Variants in PCDH9 observed in about 807,000 individuals in gnomAD.
PCDH9 encodes the protein protocadherin-9.
Under a neutral mutation model 70.6 loss-of-function variants are expected in PCDH9, and 24 were observed. The observed-to-expected ratio is 0.34, with a 90% CI of 0.25 to 0.48. PCDH9 has a LOEUF of 0.48. Ranked by LOEUF, PCDH9 falls within the 20% of genes least tolerant of loss-of-function variation. The probability of loss-of-function intolerance (pLI) is 0.99; values close to 1 mark genes in which losing one functional copy is unlikely to be tolerated. For missense variants in PCDH9, 1,281 were observed against 1,503.6 expected (o/e 0.85, Z 2.45); for synonymous variants, 562 against 558.5 (o/e 1.01, Z -0.09).
intron 2 of PCDH9, among the ~76,000 whole-genome samples, chr13:66,994,638 C>G (rs2084072906): frequency 1.3e-5 from 2 of 152,170 alleles, no homozygotes; most frequent in Non-Finnish European, 2.9e-5. Flanking sequence ...CTGAGCCTGT[C>G]CAGAGGCTAG....
intron 4 of PCDH9, among the ~76,000 whole-genome samples, chr13:66,432,071 C>T (rs1244181554): frequency 1.3e-5 from 2 of 151,962 alleles, no homozygotes; most frequent in Non-Finnish European, 2.9e-5. Context: ...TTCTTCTGTG[C>T]AGTTTCCTTT....
intron 3 of PCDH9, among the ~76,000 whole-genome samples, chr13:66,647,777 C>T (rs2077792145): frequency 6.6e-6 from 1 of 152,036 alleles, no homozygotes; most frequent in South Asian, 2.1e-4. Context: ...CAGGCATTGG[C>T]TGTTAGACAG....
intron 4 of PCDH9, among the ~76,000 whole-genome samples, chr13:66,537,849 T>G (rs1479480381): frequency 6.6e-6 from 1 of 152,160 alleles, no homozygotes; most frequent in East Asian, 1.9e-4. Flanking sequence ...TTTTGTTAAA[T>G]GTTCATCTTA....
In PCDH9 at chr13:67,225,879, G is replaced by A. The variant is rs145370598; in HGVS notation, c.2562C>T (p.Ala854=). Residue 854 remains alanine (A), a synonymous_variant, in exon 2 of 5, where the codon GCC becomes GCT. Transcript: ENST00000377865. ...TCTCCTGGTTTGGGGACATCCATTC[G>A]GCACCTTGCTTGCTCCTCTGAGCTG... ...FKAAQRSKQG[A]EWMSPNQENK... 3.7e-5 allele frequency: 59 copies of A among 1,613,608 alleles called. No homozygotes were observed. The highest frequency in any genetic ancestry group is 1.6e-4 in the Middle Eastern group (1 of 6,084).
In PCDH9 at chr13:67,228,026, C is replaced by A. The variant is rs774995119; in HGVS notation, c.415G>T (p.Ala139Ser). Residue 139 changes from alanine to serine, a missense_variant, in exon 2 of 5, where the codon GCC becomes TCC. This residue lies in a region of PCDH9 where 798 missense variants were observed against 1,003.1 expected (regional missense o/e 0.80). Coordinates refer to ENST00000377865, the MANE Select transcript of PCDH9 (RefSeq NM_203487.3). ...KIIVKDTNDN[A>S]PMFPSPVINI... is the part of the protein sequence containing the mutation. Reference sequence around the variant, plus strand: ...ATGACAGGAGATGGAAACATGGGGGCATTATCATTGGTATCCTTGACAATT... The same window carrying A: ...ATGACAGGAGATGGAAACATGGGGGAATTATCATTGGTATCCTTGACAATT... The A allele has an allele frequency of 5.0e-6, 8 of 1,613,840 alleles. No individual in the cohort carries two copies. The South Asian group carries it at 6.6e-5, about 13-fold the overall frequency.
At chr13:67,084,170 T>C (rs955445827) in intron 2 of PCDH9, among the ~76,000 whole-genome samples, 10 of 152,174 alleles carry the variant, frequency 6.6e-5, no homozygotes, top group African/African-American at 9.6e-5. Flanking sequence ...AGTTCCTTTA[T>C]AGAAACTAAA....
At chr13:67,084,911 G>A (rs1362895971) in intron 2 of PCDH9, among the ~76,000 whole-genome samples, 1 of 128,422 alleles carries the variant, frequency 7.8e-6, no homozygotes, top group Non-Finnish European at 1.6e-5. Flanking sequence ...AGGTTGCAGT[G>A]AGCCGAGATC....
chr13:67,211,106 T>C (rs2089459295), intron 2 of PCDH9: 1 of 152,000 alleles, frequency 6.6e-6, no homozygotes, highest in Admixed American at 6.6e-5. Context: ...TAAGAAGTGA[T>C]TTACATATAG....
At chr13:66,412,579 T>C (rs540768492) in intron 4 of PCDH9, among the ~76,000 whole-genome samples, 1 of 152,338 alleles carries the variant, frequency 6.6e-6, no homozygotes, top group South Asian at 2.1e-4. Context: ...GATTATTTAA[T>C]TTCAAACACT....
At chr13:66,808,516 CA>C (rs1386666219) in intron 3 of PCDH9, among the ~76,000 whole-genome samples, 2 of 130,040 alleles carry the variant, frequency 1.5e-5, no homozygotes, top group Non-Finnish European at 3.6e-5. Context: ...TAAAACAAAA[CA>C]AAACAAAAAA....
intron 4 of PCDH9, among the ~76,000 whole-genome samples, chr13:66,549,683 G>A (rs980779714): frequency 4.0e-5 from 6 of 151,734 alleles, no homozygotes; most frequent in Admixed American, 1.3e-4. Flanking sequence ...GTATATCTTC[G>A]GAGCACCTAT....
chr13:66,734,531 G>C (rs768653456), intron 3 of PCDH9, among the ~76,000 whole-genome samples: 1 of 152,076 alleles, frequency 6.6e-6, no homozygotes, highest in Admixed American at 6.6e-5. Flanking sequence ...CTTTCTTAAC[G>C]ACTGTGTCCT....
intron 3 of PCDH9, among the ~76,000 whole-genome samples, chr13:66,846,476 C>A (rs944377921): frequency 6.6e-6 from 1 of 152,014 alleles, no homozygotes; most frequent in Non-Finnish European, 1.5e-5. Flanking sequence ...ACAATTAAAT[C>A]ACCTAAAATA....
At chr13:67,209,977 T>C (rs2089436055) in intron 2 of PCDH9, 1 of 152,110 alleles carries the variant, frequency 6.6e-6, no homozygotes, top group Non-Finnish European at 1.5e-5. Context: ...CTAACACTTG[T>C]CCTGATAACT....
intron 4 of PCDH9, among the ~76,000 whole-genome samples, chr13:66,437,307 T>C (rs112829507): frequency 0.11 from 15,384 of 144,598 alleles, 1,027 homozygotes; most frequent in African/African-American, 0.19. Flanking sequence ...CTCAGGAGGC[T>C]GAGGCAGGAG....
chr13:66,690,542 G>A (rs1043753203), intron 3 of PCDH9, among the ~76,000 whole-genome samples: 1 of 151,994 alleles, frequency 6.6e-6, no homozygotes, highest in Non-Finnish European at 1.5e-5. Flanking sequence ...ACAAGGTTTA[G>A]TACAGAATAA....
chr13:66,611,986 TCTTA>T lies in PCDH9; in HGVS notation c.3340+19220_3340+19223del, dbSNP rs894845108. 4.6e-5 allele frequency among the ~76,000 whole-genome samples: 7 copies of T among 152,352 alleles called. No homozygotes were observed. The South Asian group carries it at 6.2e-4, about 14-fold the overall frequency. ...CCACTACATACACTTTTCTTCAGTC[TCTTA>T]CTTAAGATGTGTTAAAAGTGTATTT... On this transcript the variant is annotated intron_variant, in intron 4 of 4. Coordinates refer to ENST00000377865, the MANE Select transcript of PCDH9 (RefSeq NM_203487.3).
chr13:66,611,662 C>T (rs138929436), intron 4 of PCDH9, among the ~76,000 whole-genome samples: 11 of 152,246 alleles, frequency 7.2e-5, no homozygotes, highest in African/African-American at 2.6e-4. Flanking sequence ...GAATACTTAT[C>T]TTTCTTCAAC....
chr13:66,408,184 G>A (rs930820680), intron 4 of PCDH9, among the ~76,000 whole-genome samples: 3 of 150,830 alleles, frequency 2.0e-5, no homozygotes, highest in Admixed American at 1.3e-4. Context: ...TCAGCCTCCC[G>A]AGTAGCTGGG....
Sources: allele counts gnomAD v4.1 joint callset (sites outside exome capture counted in the v4.1 genomes callset), GRCh38; gene constraint gnomAD v4.1.1; regional missense constraint gnomAD v4.1.1; transcripts MANE v1.5; gene names NCBI Gene and HGNC (gene_info 2026-07-23, HGNC 2026-07-21).